The following PCDH11Y variants were observed in gnomAD, a reference collection of about 807,000 sequenced individuals.
The protein encoded by PCDH11Y is protocadherin-11 Y-linked.
For missense variants in PCDH11Y, 12 were observed against 224.8 expected, an observed-to-expected ratio of 0.05 and a Z score of 6.05; for synonymous variants, 9 against 83.6, an observed-to-expected ratio of 0.11 and a Z score of 4.87.
chrY:5,697,709 G>A, intron 4 of PCDH11Y, among the ~76,000 whole-genome samples: 1 of 32,955 alleles, frequency 3.0e-5, no homozygotes, highest in African/African-American at 1.2e-4. Flanking sequence ...GCCTATGTGT[G>A]TCTTTGCATG....
At chrY:5,577,571 A>C in intron 3 of PCDH11Y, among the ~76,000 whole-genome samples, 1 of 33,563 alleles carries the variant, frequency 3.0e-5, no homozygotes, top group Non-Finnish European at 7.4e-5. Flanking sequence ...GTAGTAACCT[A>C]ATTTTTATTG....
At chrY:5,031,512 A>C in intron 1 of PCDH11Y, among the ~76,000 whole-genome samples, 4 of 33,140 alleles carry the variant, frequency 1.2e-4, no homozygotes, top group Non-Finnish European at 3.0e-4. Context: ...TTTTCCACAT[A>C]AATATGCATT....
chrY:5,160,575 T>G (rs1168546627), intron 2 of PCDH11Y, among the ~76,000 whole-genome samples: 1 of 31,942 alleles, frequency 3.1e-5, no homozygotes. Flanking sequence ...TCTATTTTCT[T>G]AAAACTATAT....
At chrY:5,502,815 CA>C (rs2053355112) in intron 3 of PCDH11Y, among the ~76,000 whole-genome samples, 4 of 32,638 alleles carry the variant, frequency 1.2e-4, no homozygotes, top group Admixed American at 8.6e-4. Flanking sequence ...TTCATTTGTA[CA>C]TGATGTGTTA....
At chrY:5,288,666 A>T in intron 2 of PCDH11Y, among the ~76,000 whole-genome samples, 1 of 27,430 alleles carries the variant, frequency 3.6e-5, no homozygotes, top group Non-Finnish European at 8.3e-5. Flanking sequence ...GTATTTGTGC[A>T]TGTGTATTTG....
At chrY:5,069,687 G>T in intron 1 of PCDH11Y, among the ~76,000 whole-genome samples, 1 of 30,890 alleles carries the variant, frequency 3.2e-5, no homozygotes, top group Non-Finnish European at 7.8e-5. Context: ...CGCGATCTCG[G>T]CTCACTGCAG....
chrY:5,298,034 G>A (rs2053077247), intron 2 of PCDH11Y, among the ~76,000 whole-genome samples: 1 of 33,757 alleles, frequency 3.0e-5, no homozygotes, highest in Non-Finnish European at 7.3e-5. Flanking sequence ...CTGAAAATGA[G>A]AGAGACAATT....
At chrY:5,452,345 T>C in intron 2 of PCDH11Y, among the ~76,000 whole-genome samples, 1 of 33,696 alleles carries the variant, frequency 3.0e-5, no homozygotes. Context: ...CTTAAGTAAA[T>C]GTTATATTAA....
intron 3 of PCDH11Y, among the ~76,000 whole-genome samples, chrY:5,034,299 A>G (rs2052595586): frequency 3.0e-5 from 1 of 33,391 alleles, no homozygotes; most frequent in African/African-American, 1.2e-4. Flanking sequence ...ATAATTCATC[A>G]CATTATTTCC....
intron 4 of PCDH11Y, among the ~76,000 whole-genome samples, chrY:5,721,502 T>C: frequency 2.9e-5 from 1 of 34,029 alleles, no homozygotes; most frequent in Non-Finnish European, 7.3e-5. Context: ...CACATTTGAT[T>C]GTATCAGACT....
At chrY:5,576,509 T>C in intron 3 of PCDH11Y, among the ~76,000 whole-genome samples, 2 of 33,301 alleles carry the variant, frequency 6.0e-5, no homozygotes, top group Non-Finnish European at 1.5e-4. Flanking sequence ...CTTTTAATTG[T>C]AGCTACCAAA....
chrY:5,270,826 A>G (rs2124659480), intron 2 of PCDH11Y, among the ~76,000 whole-genome samples: 1 of 33,332 alleles, frequency 3.0e-5, no homozygotes, highest in African/African-American at 1.2e-4. Context: ...TGACCAATAT[A>G]CCACTGGATG....
intron 2 of PCDH11Y, among the ~76,000 whole-genome samples, chrY:5,191,608 T>C (rs2052912589): frequency 3.3e-5 from 1 of 30,566 alleles, no homozygotes; most frequent in Non-Finnish European, 7.9e-5. Context: ...TAAATATTTG[T>C]CCTAATGCTC....
At chrY:5,130,454 CA>C (rs2052832318) in intron 2 of PCDH11Y, among the ~76,000 whole-genome samples, 1 of 33,810 alleles carries the variant, frequency 3.0e-5, no homozygotes, top group Non-Finnish European at 7.3e-5. Context: ...ATGAAATGAA[CA>C]GACACTTCTC....
At chrY:5,446,867 ACAGCAGCAGCAGCAACAGCAG>A (rs2053288016) in intron 2 of PCDH11Y, among the ~76,000 whole-genome samples, 1 of 33,433 alleles carries the variant, frequency 3.0e-5, no homozygotes, top group African/African-American at 1.2e-4. Context: ...AGTTACTAAA[ACAGCAGCAGCAGCAACAGCAG>A]CAGCAGCAGC....
At chrY:5,470,437 A>C in intron 2 of PCDH11Y, among the ~76,000 whole-genome samples, 1 of 30,896 alleles carries the variant, frequency 3.2e-5, no homozygotes, top group Non-Finnish European at 7.9e-5. Flanking sequence ...AAGGACATTT[A>C]TGGTTTCATC....
intron 4 of PCDH11Y, among the ~76,000 whole-genome samples, chrY:5,722,865 A>C: frequency 3.0e-5 from 1 of 33,556 alleles, no homozygotes; most frequent in Non-Finnish European, 7.5e-5. Context: ...AAACCACATT[A>C]AAAAACACAA....
chrY:5,262,622 G>T (rs2053020503), intron 2 of PCDH11Y, among the ~76,000 whole-genome samples: 1 of 30,571 alleles, frequency 3.3e-5, no homozygotes, highest in Admixed American at 3.1e-4. Context: ...TGACTTGGGT[G>T]CTGTTAAAGG....
At chrY:5,325,967 T>C (rs2053119425) in intron 2 of PCDH11Y, among the ~76,000 whole-genome samples, 1 of 33,016 alleles carries the variant, frequency 3.0e-5, no homozygotes, top group Non-Finnish European at 7.4e-5. Flanking sequence ...CCAGTCCTTT[T>C]TGGTGGCTGA....
Sources: gnomAD v4.1 joint callset for allele counts (sites outside exome capture counted in the v4.1 genomes callset) on GRCh38, gnomAD v4.1.1 for gene constraint, MANE v1.5 for transcripts, NCBI Gene and HGNC (gene_info 2026-07-23, HGNC 2026-07-21) for gene names.